Variants in EFNA5 observed in about 807,000 individuals in gnomAD.
The protein encoded by EFNA5 is ephrin A5.
Under a neutral mutation model 22.9 loss-of-function variants are expected in EFNA5, and 5 were observed. The observed-to-expected ratio is 0.22, with a 90% confidence interval of 0.11 to 0.46. The LOEUF is 0.46. Among genes scored for constraint, EFNA5 ranks in the 20% least tolerant of loss-of-function variants. The pLI, the probability that EFNA5 is intolerant of heterozygous loss-of-function variation, is 0.99. For missense variants in EFNA5, 237 were observed against 293.3 expected (o/e 0.81, Z 1.40); for synonymous variants, 113 against 112.2 (o/e 1.01, Z -0.04).
At chr5:107,470,614 T>A (rs750274865) in intron 1 of EFNA5, among the ~76,000 whole-genome samples, 2 of 152,216 alleles carry the variant, frequency 1.3e-5, no homozygotes, top group Non-Finnish European at 2.9e-5. Flanking sequence ...GCCTCTAAAT[T>A]CTATATCAAT....
At chr5:107,399,626 G>A (rs1033183271) in intron 2 of EFNA5, among the ~76,000 whole-genome samples, 10 of 152,166 alleles carry the variant, frequency 6.6e-5, no homozygotes, top group African/African-American at 2.4e-4. Context: ...AGGTAAGGGT[G>A]ACATTGTCCT....
chr5:107,647,729 G>A (rs935326847), intron 1 of EFNA5, among the ~76,000 whole-genome samples: 1 of 152,116 alleles, frequency 6.6e-6, no homozygotes, highest in African/African-American at 2.4e-5. Flanking sequence ...AATCTACTTG[G>A]ATGAGAACAA....
chr5:107,514,513 A>G (rs1747436197), intron 1 of EFNA5, among the ~76,000 whole-genome samples: 1 of 152,170 alleles, frequency 6.6e-6, no homozygotes, highest in Non-Finnish European at 1.5e-5. Context: ...TTTAAATTCA[A>G]ACTTCTCCAC....
At chr5:107,606,696 G>C (rs190140524) in intron 1 of EFNA5, among the ~76,000 whole-genome samples, 45 of 152,084 alleles carry the variant, frequency 3.0e-4, no homozygotes, top group African/African-American at 9.6e-4. Flanking sequence ...ATAAAATCAA[G>C]ATGATAATTC....
chr5:107,506,818 A>T (rs1346361374), intron 1 of EFNA5, among the ~76,000 whole-genome samples: 1 of 152,212 alleles, frequency 6.6e-6, no homozygotes, highest in Non-Finnish European at 1.5e-5. Flanking sequence ...ATCCTTCTTT[A>T]GTAAGGAAAA....
chr5:107,567,153 G>C (rs1580534074), intron 1 of EFNA5, among the ~76,000 whole-genome samples: 1 of 152,118 alleles, frequency 6.6e-6, no homozygotes, highest in Admixed American at 6.5e-5. Flanking sequence ...AACCCTCCCT[G>C]TGTCCTTTAA....
chr5:107,502,565 C>T (rs905136197), intron 1 of EFNA5, among the ~76,000 whole-genome samples: 1 of 152,168 alleles, frequency 6.6e-6, no homozygotes, highest in Non-Finnish European at 1.5e-5. Flanking sequence ...CTTTTGACAG[C>T]ACATAACTGC....
At chr5:107,645,856 G>C (rs1750625020) in intron 1 of EFNA5, among the ~76,000 whole-genome samples, 1 of 152,136 alleles carries the variant, frequency 6.6e-6, no homozygotes, top group African/African-American at 2.4e-5. Context: ...ACCAGTAATA[G>C]AGCCAAACTC....
In EFNA5 at chr5:107,387,257, T is replaced by C. The variant is rs1424479274; in HGVS notation, c.543A>G (p.Val181=). Residue 181 remains valine (V), a synonymous_variant, in exon 4 of 5, where the codon GTA becomes GTG. Transcript: ENST00000333274. ...AACCTGCTGGTTCTAATGAATTTTC[T>C]ACTTTGTCGTTAACATCGAAAACAC... The part of the protein sequence containing the change: ...HDRVFDVNDK[V]ENSLEPADDT... 1 of 1,605,734 alleles carries C rather than the reference T, an allele frequency of 6.2e-7. No individual in the cohort carries two copies.
At chr5:107,437,858 G>A (rs1749157100) in intron 1 of EFNA5, among the ~76,000 whole-genome samples, 1 of 152,068 alleles carries the variant, frequency 6.6e-6, no homozygotes, top group African/African-American at 2.4e-5. Context: ...AATAATGGCA[G>A]GCTGCAAAAA....
intron 1 of EFNA5, among the ~76,000 whole-genome samples, chr5:107,597,950 G>T (rs1235628729): frequency 6.6e-6 from 1 of 152,094 alleles, no homozygotes; most frequent in Non-Finnish European, 1.5e-5. Context: ...TTATCTGTAA[G>T]CACACTAACA....
chr5:107,402,247 C>T (rs1580427233), intron 2 of EFNA5, among the ~76,000 whole-genome samples: 1 of 152,258 alleles, frequency 6.6e-6, no homozygotes, highest in Admixed American at 6.5e-5. Context: ...TCATGTTTCT[C>T]ATTACAAGGA....
chr5:107,393,612 T>C (rs930863126), intron 2 of EFNA5, among the ~76,000 whole-genome samples: 5 of 152,318 alleles, frequency 3.3e-5, no homozygotes, highest in Admixed American at 1.3e-4. Flanking sequence ...CAGTTTTCCA[T>C]TATGTTTGCC....
chr5:107,507,117 TAAAA>T (rs796785219), intron 1 of EFNA5, among the ~76,000 whole-genome samples: 1 of 151,182 alleles, frequency 6.6e-6, no homozygotes, highest in African/African-American at 2.4e-5. Flanking sequence ...TCTGTCAAAA[TAAAA>T]AAAAACTTTT....
chr5:107,468,610 G>GA (rs764037271), intron 1 of EFNA5, among the ~76,000 whole-genome samples: 4 of 152,160 alleles, frequency 2.6e-5, no homozygotes, highest in Non-Finnish European at 2.9e-5. Flanking sequence ...AGAAATTAAG[G>GA]AATGTGTTCC....
chr5:107,630,990 G>C lies in EFNA5; in HGVS notation c.125+39499C>G, dbSNP rs1019750449. 5.9e-5 allele frequency among the ~76,000 whole-genome samples: 9 copies of C among 152,198 alleles called. 1 individual carries two copies. Among genetic ancestry groups the C allele is most frequent in the Admixed American group, 3.3e-4 (5 of 15,280 alleles). ...TTGTCCTGCTGAAAAGTCTTCAGGA[G>C]CAATAACACACACAGAACTGTCACC... On this transcript the variant is annotated intron_variant, in intron 1 of 4. Transcript: ENST00000333274.
chr5:107,579,079 A>G (rs1748987144), intron 1 of EFNA5, among the ~76,000 whole-genome samples: 1 of 152,112 alleles, frequency 6.6e-6, no homozygotes, highest in Non-Finnish European at 1.5e-5. Flanking sequence ...CTGCTTGCCC[A>G]CTGCATGCCT....
chr5:107,664,880 G>T (rs373125639), intron 1 of EFNA5, among the ~76,000 whole-genome samples: 1 of 152,068 alleles, frequency 6.6e-6, no homozygotes, highest in South Asian at 2.1e-4. Flanking sequence ...ACACAGAGTC[G>T]TTCATTATTT....
At chr5:107,614,842 T>G (rs1253513796) in intron 1 of EFNA5, among the ~76,000 whole-genome samples, 2 of 152,210 alleles carry the variant, frequency 1.3e-5, no homozygotes, top group African/African-American at 4.8e-5. Flanking sequence ...TAATGAGCAC[T>G]ATATATAAAT....
Sources: allele counts gnomAD v4.1 joint callset (sites outside exome capture counted in the v4.1 genomes callset), GRCh38; gene constraint gnomAD v4.1.1; transcripts MANE v1.5; gene names NCBI Gene and HGNC (gene_info 2026-07-23, HGNC 2026-07-21).